Variants in CHFR observed in about 807,000 individuals in gnomAD.
CHFR encodes E3 ubiquitin-protein ligase CHFR.
A neutral mutation model predicts 87.6 loss-of-function variants in CHFR; 57 were observed. The ratio of observed to expected loss-of-function variants is 0.65; its 90% CI spans 0.53 to 0.81. CHFR has a LOEUF of 0.81. Among genes scored for constraint, CHFR ranks in the 30% least tolerant of loss-of-function variants. The pLI is 0.00. For synonymous variants in CHFR, 381 were observed against 359.2 expected, an observed-to-expected ratio of 1.06 and a Z score of -0.69; for missense variants, 797 against 865.8, an observed-to-expected ratio of 0.92 and a Z score of 1.00.
At chr12:132,856,322 C>T in intron 10 of CHFR, 146 bp downstream of exon 10, 1 of 841,890 alleles carries the variant, frequency 1.2e-6, no homozygotes, top group Non-Finnish European at 1.9e-6. Context: ...TATCAGAAAA[C>T]AAGCTCAAGC....
intron 11 of CHFR, among the ~76,000 whole-genome samples, chr12:132,852,053 G>T (rs1245832262): frequency 6.6e-6 from 1 of 151,576 alleles, no homozygotes; most frequent in East Asian, 1.9e-4. Context: ...GCGTGATCTC[G>T]GCTCACTGCA....
At chr12:132,867,893 A>G (rs183023680) in intron 6 of CHFR, 1 of 152,204 alleles carries the variant, frequency 6.6e-6, no homozygotes, top group East Asian at 1.9e-4. Context: ...TCTCAAAAAG[A>G]TTTTTCTATT....
At chr12:132,862,910 T>C (rs1427613583) in intron 6 of CHFR, among the ~76,000 whole-genome samples, 1 of 148,830 alleles carries the variant, frequency 6.7e-6, no homozygotes. Flanking sequence ...TTCTTTTTCT[T>C]TTTTGAGACA....
chr12:132,883,563 A>G (rs556026038), intron 2 of CHFR, among the ~76,000 whole-genome samples: 1 of 151,638 alleles, frequency 6.6e-6, no homozygotes, highest in East Asian at 2.0e-4. Flanking sequence ...GTCTCTACTA[A>G]AAATACAAAA....
At position 132,870,758 on chromosome 12, in the gene CHFR, T is replaced by G; in HGVS notation, c.369A>C (p.Leu123Phe). Residue 123 changes from leucine (L) to phenylalanine (F), a missense_variant, in exon 5 of 18, where the codon TTA (leucine) becomes TTC (phenylalanine). Transcript: ENST00000450056. Reference sequence around the variant, plus strand: ...CTTGTGTCATGCCTTGCTTTTCACTTAAAGATTCATAGAGGTATGCCACGT... The same window carrying G: ...CTTGTGTCATGCCTTGCTTTTCACTGAAAGATTCATAGAGGTATGCCACGT... ...EHNVAYLYES[L>F]SEKQGMTQES... 1 of 1,611,458 alleles carries G rather than the reference T, an allele frequency of 6.2e-7. No homozygotes were observed. Among genetic ancestry groups the G allele is most frequent in the Non-Finnish European group, 8.5e-7 (1 of 1,177,640 alleles).
In CHFR at chr12:132,873,691, G is replaced by A. The variant is rs866253253; in HGVS notation, c.234-1297C>T. Among the ~76,000 whole-genome samples, 22 of 150,378 alleles carry A rather than the reference G, an allele frequency of 1.5e-4. No individual in the cohort carries two copies. The South Asian group carries it at 3.0e-3, about 21-fold the overall frequency. On this transcript the variant is annotated intron_variant, in intron 3 of 17. Coordinates refer to ENST00000450056, the MANE Select transcript of CHFR (RefSeq NM_001161346.2). ...GGTGCATGCAGGGGCGCTGGAGCTG[G>A]ACTGACTTTCTGTGTCCTCCTGCTC... is the stretch of plus-strand genomic sequence containing the variant.
rs1424661283 is a variant in CHFR, at chr12:132,832,790, T to A, written c.*8764A>T. ...ATTTCTATGCAATAAAATATACCCG[T>A]GTTGTGTGTGCAGTTCAGCGACTGT... On this transcript the variant is annotated 3_prime_UTR_variant, in exon 18 of 18. Coordinates refer to ENST00000450056, the MANE Select transcript of CHFR (RefSeq NM_001161346.2). 1 of 152,218 alleles carries A rather than the reference T, an allele frequency of 6.6e-6. No individual in the cohort carries two copies. The highest frequency in any genetic ancestry group is 1.5e-5 in the Non-Finnish European group (1 of 68,042). 9.4% of individuals were successfully genotyped at this position (152,218 alleles called of 1,614,324 possible). A position where few individuals can be genotyped will look rare whatever the true frequency, so the allele number is the denominator to read the frequency against.
chr12:132,883,703 G>C (rs1308205163), intron 2 of CHFR, among the ~76,000 whole-genome samples: 1 of 152,238 alleles, frequency 6.6e-6, no homozygotes, highest in Non-Finnish European at 1.5e-5. Context: ...CTCCAGACTG[G>C]ATAAAGAGCT....
chr12:132,884,702 A>G (rs527277947), intron 2 of CHFR, among the ~76,000 whole-genome samples: 1 of 152,074 alleles, frequency 6.6e-6, no homozygotes, highest in South Asian at 2.1e-4. Context: ...ACACAGCAAG[A>G]AAGTGGCCAC....
chr12:132,879,008 TG>T (rs1378282363), intron 2 of CHFR, among the ~76,000 whole-genome samples: 60 of 123,940 alleles, frequency 4.8e-4, no homozygotes, highest in South Asian at 1.6e-3. Flanking sequence ...TGTTTTTGTT[TG>T]TTTTTTTTTT....
chr12:132,847,112 C>A lies in CHFR; in HGVS notation c.1666G>T (p.Gly556Cys). Residue 556 changes from glycine (G) to cysteine (C), a missense_variant, in exon 15 of 18, where the codon GGT (glycine) becomes TGT (cysteine). Around this residue, in one of 2 missense-constraint regions of CHFR, gnomAD observed 200 missense variants for 264.6 expected, o/e 0.76. Transcript: ENST00000450056. Reference protein sequence around the residue: ...DILKNYLATRGLTWKNMLTES... With the variant: ...DILKNYLATRCLTWKNMLTES... ...GTCAACATGTTTTTCCATGTCAAAC[C>A]TCTGGTTGCCAGGTAATTCTGTGAC... The A allele has an allele frequency of 6.2e-7, 1 of 1,613,736 alleles. No homozygotes were observed. The highest frequency in any genetic ancestry group is 8.5e-7 in the Non-Finnish European group (1 of 1,179,820).
At chr12:132,851,850 G>A in intron 11 of CHFR, 113 bp from the exon 12 acceptor site, 1 of 1,315,658 alleles carries the variant, frequency 7.6e-7, no homozygotes, top group Admixed American at 2.3e-5. Flanking sequence ...GACAGCCGGG[G>A]AAGAAGCAGA....
At chr12:132,865,025 T>C (rs1951303029) in intron 6 of CHFR, among the ~76,000 whole-genome samples, 1 of 152,236 alleles carries the variant, frequency 6.6e-6, no homozygotes, top group African/African-American at 2.4e-5. Flanking sequence ...ACATGGGACT[T>C]GGCCCTAGGG....
intron 6 of CHFR, chr12:132,866,264 C>T (rs1328456097): frequency 1.3e-5 from 2 of 152,260 alleles, no homozygotes; most frequent in African/African-American, 4.8e-5. Flanking sequence ...GAAATCACAT[C>T]AGAATGTTAC....
At chr12:132,844,928 C>T (rs567446897) in intron 15 of CHFR, among the ~76,000 whole-genome samples, 3 of 152,202 alleles carry the variant, frequency 2.0e-5, no homozygotes, top group South Asian at 2.1e-4. Context: ...CCTCCACGCC[C>T]GGCCCCACAT....
At chr12:132,848,515 T>C in intron 13 of CHFR, 126 bp downstream of exon 13, 2 of 750,790 alleles carry the variant, frequency 2.7e-6, no homozygotes, top group South Asian at 1.7e-5. Flanking sequence ...TAGGTATCAT[T>C]TGATGACCAA....
chr12:132,871,446 G>A (rs1023434849), intron 4 of CHFR, among the ~76,000 whole-genome samples: 17 of 150,414 alleles, frequency 1.1e-4, no homozygotes, highest in African/African-American at 3.7e-4. Context: ...AGCAGAGCGA[G>A]ACTCTGTCTC....
intron 7 of CHFR, among the ~76,000 whole-genome samples, chr12:132,860,636 C>G (rs1468168887): frequency 6.6e-6 from 1 of 152,242 alleles, no homozygotes; most frequent in Non-Finnish European, 1.5e-5. Flanking sequence ...CAAATGTTTT[C>G]TAATAATCTT....
In CHFR at chr12:132,859,143, G is replaced by T; in HGVS notation, c.836C>A (p.Ala279Glu). Residue 279 changes from alanine (A) to glutamate (E), a missense_variant, in exon 8 of 18, where the codon GCG (alanine) becomes GAG (glutamate). Ala to Glu is a moderately radical substitution (Grantham distance 107). Transcript: ENST00000450056. ...CTCCATCTTGTCTGGCTTCCCAGCCGCTGCTCTGACGTCCTCGTGGACGGT... is the reference window on the plus strand; with the variant it reads ...CTCCATCTTGTCTGGCTTCCCAGCCTCTGCTCTGACGTCCTCGTGGACGGT... Reference protein sequence around the residue: ...AQTVHEDVRAAAGKPDKMEET... With the variant: ...AQTVHEDVRAEAGKPDKMEET... 1 of 1,614,058 alleles carries T rather than the reference G, an allele frequency of 6.2e-7. No homozygotes were observed. The highest frequency in any genetic ancestry group is 8.5e-7 in the Non-Finnish European group (1 of 1,179,962).
Sources: allele counts gnomAD v4.1 joint callset (sites outside exome capture counted in the v4.1 genomes callset), GRCh38; gene constraint gnomAD v4.1.1; regional missense constraint gnomAD v4.1.1; transcripts MANE v1.5; gene names NCBI Gene and HGNC (gene_info 2026-07-23, HGNC 2026-07-21).